The following HDGFL3 variants were observed in gnomAD, a reference collection of about 807,000 sequenced individuals.
The protein encoded by HDGFL3 is HDGF like 3.
A neutral mutation model predicts 27.6 loss-of-function variants in HDGFL3; 6 were observed. That is an observed-to-expected ratio of 0.22 (90% CI 0.12 to 0.43). The LOEUF is 0.43. HDGFL3 is among the 20% of genes least tolerant of loss of function. The pLI is 1.00. For missense variants in HDGFL3, 207 were observed against 250.1 expected (o/e 0.83, Z 1.16); for synonymous variants, 88 against 88.9 (o/e 0.99, Z 0.05).
chr15:83,116,165 T>C (rs1488665941), intron 3 of HDGFL3, among the ~76,000 whole-genome samples: 4 of 152,242 alleles, frequency 2.6e-5, no homozygotes, highest in Non-Finnish European at 5.9e-5. Flanking sequence ...TCACGGCTTC[T>C]CTCACTCATG....
intron 1 of HDGFL3, among the ~76,000 whole-genome samples, chr15:83,176,501 C>G (rs1023030581): frequency 1.2e-4 from 18 of 152,152 alleles, no homozygotes; most frequent in African/African-American, 4.1e-4. Flanking sequence ...TTACAGCCTG[C>G]AAATCTGCAG....
At chr15:83,156,522 C>T (rs548463583) in intron 4 of HDGFL3, among the ~76,000 whole-genome samples, 1 of 152,282 alleles carries the variant, frequency 6.6e-6, no homozygotes, top group East Asian at 1.9e-4. Flanking sequence ...AAAGCACATT[C>T]TTTGAAGCAG....
At chr15:83,173,466 GT>G (rs2037271053) in intron 1 of HDGFL3, among the ~76,000 whole-genome samples, 1 of 152,146 alleles carries the variant, frequency 6.6e-6, no homozygotes, top group Non-Finnish European at 1.5e-5. Flanking sequence ...CTTAAGATGG[GT>G]TTATCCGGAC....
intron 2 of HDGFL3, among the ~76,000 whole-genome samples, chr15:83,159,674 A>G (rs2037073826): frequency 6.6e-6 from 1 of 152,242 alleles, no homozygotes; most frequent in Admixed American, 6.5e-5. Context: ...AAGTGAAGGA[A>G]TAACTCATGC....
intron 1 of HDGFL3, among the ~76,000 whole-genome samples, chr15:83,171,643 A>G (rs532286981): frequency 1.3e-5 from 2 of 152,292 alleles, no homozygotes; most frequent in East Asian, 3.9e-4. Flanking sequence ...GCAGGAACGA[A>G]AAACAAAATA....
intron 1 of HDGFL3, among the ~76,000 whole-genome samples, chr15:83,200,005 AC>A (rs1423798179): frequency 7.0e-6 from 1 of 143,048 alleles, no homozygotes; most frequent in African/African-American, 2.6e-5. Context: ...AGATCGCCCC[AC>A]TGCACTCCAG....
intron 1 of HDGFL3, among the ~76,000 whole-genome samples, chr15:83,175,198 T>A (rs1227240874): frequency 6.6e-6 from 1 of 152,204 alleles, no homozygotes; most frequent in Non-Finnish European, 1.5e-5. Context: ...TATGGCTTGC[T>A]TAGCCCCTTT....
rs1013711584 is a variant in HDGFL3, at chr15:83,207,175, G to A, written c.84+156C>T. ...GCCGGGAGCCCTTGCCTCAGCCCCG[G>A]CCCGGTCTTCTTCGTGCCGCGCCGC... On this transcript the variant is annotated intron_variant, in intron 1 of 5. Transcript: ENST00000299633. The surrounding 1 kb of genome is among the most constrained non-coding windows in gnomAD (Gnocchi z 4.8). Among the ~76,000 whole-genome samples, 7 of 152,182 alleles carry A rather than the reference G, an allele frequency of 4.6e-5. No homozygotes were observed. Among genetic ancestry groups the A allele is most frequent in the Non-Finnish European group, 1.0e-4 (7 of 68,008 alleles).
At chr15:83,170,876 C>CAAAAAAAA (rs34510031) in intron 1 of HDGFL3, among the ~76,000 whole-genome samples, 1 of 77,724 alleles carries the variant, frequency 1.3e-5, no homozygotes, top group East Asian at 3.7e-4. Context: ...ATTCAACAAG[C>CAAAAAAAA]AAAAAAAAAA....
Position 83,207,302 on chromosome 15 carries a change from G to A in HDGFL3, c.84+29C>T. On this transcript the variant is annotated intron_variant, in intron 1 of 5. Transcript: ENST00000299633. The surrounding 1 kb of genome is among the most constrained non-coding windows in gnomAD (Gnocchi z 4.8). ...TCATGAAGGGGAAAATGGTGGGCGG[G>A]CGGGCCCGCGCGCGGCCGCGGTACT... 1 of 1,321,728 alleles carries A rather than the reference G, an allele frequency of 7.6e-7. No homozygotes were observed. Among genetic ancestry groups the A allele is most frequent in the South Asian group, 2.1e-5 (1 of 48,242 alleles). The allele number at this position is 1,321,728 out of a possible 1,614,324, so 81.9% of individuals were successfully genotyped here. A position where few individuals can be genotyped will look rare whatever the true frequency, so the allele number is the denominator to read the frequency against.
At chr15:83,164,337 G>C (rs1032817279) in intron 1 of HDGFL3, among the ~76,000 whole-genome samples, 7 of 110,800 alleles carry the variant, frequency 6.3e-5, no homozygotes, top group Non-Finnish European at 1.0e-4. Flanking sequence ...TTATTCCGGG[G>C]AATCTGTCCT....
chr15:83,177,455 C>A (rs2037326817), intron 1 of HDGFL3, among the ~76,000 whole-genome samples: 1 of 152,100 alleles, frequency 6.6e-6, no homozygotes, highest in Non-Finnish European at 1.5e-5. Flanking sequence ...GTATTACTTC[C>A]ATTTAATGAT....
chr15:83,122,414 GAT>G (rs1179734042), intron 3 of HDGFL3, among the ~76,000 whole-genome samples: 1 of 152,044 alleles, frequency 6.6e-6, no homozygotes, highest in African/African-American at 2.4e-5. Flanking sequence ...TAGATAGATA[GAT>G]ATAGATATAG....
intron 1 of HDGFL3, among the ~76,000 whole-genome samples, chr15:83,190,104 GCA>G (rs1227555259): frequency 6.6e-6 from 1 of 151,350 alleles, no homozygotes; most frequent in Non-Finnish European, 1.5e-5. Context: ...AGCTACTTAG[GCA>G]CAGAGTCTGC....
Position 83,132,273 on chromosome 15 carries a change from G to A in HDGFL3, c.*6997C>T, listed in dbSNP as rs539296532. The A allele has an allele frequency of 3.3e-5, 5 of 152,314 alleles. No individual in the cohort carries two copies. The highest frequency in any genetic ancestry group is 6.5e-5 in the Admixed American group (1 of 15,308). 9.4% of individuals were successfully genotyped at this position (152,314 alleles called of 1,614,324 possible). On this transcript the variant is annotated 3_prime_UTR_variant, in exon 6 of 6. Transcript: ENST00000299633. ...TTGGAGATATGCCTTATGTTGTTCC[G>A]AAGATTAACCTGAAGACAAACTAAT...
intron 5 of HDGFL3, among the ~76,000 whole-genome samples, chr15:83,150,835 G>A (rs1018473085): frequency 6.6e-6 from 1 of 152,204 alleles, no homozygotes; most frequent in Non-Finnish European, 1.5e-5. Flanking sequence ...TTCTGGGAAA[G>A]AAGCAGCAGT....
intron 1 of HDGFL3, among the ~76,000 whole-genome samples, chr15:83,174,542 T>C (rs2037286449): frequency 6.6e-6 from 1 of 151,574 alleles, no homozygotes; most frequent in South Asian, 2.1e-4. Context: ...ATATGAATTG[T>C]AGTAAAAAAC....
At position 83,134,016 on chromosome 15, in the gene HDGFL3, T is replaced by C. The variant is rs2036444293; in HGVS notation, c.*5254A>G. On this transcript the variant is annotated 3_prime_UTR_variant, in exon 6 of 6. Transcript: ENST00000299633. ...TTGATTATGAATGTTAAAATTTTTGTGCCTTGTTTAATAATTCTGAATAAA... is the reference window on the plus strand; with the variant it reads ...TTGATTATGAATGTTAAAATTTTTGCGCCTTGTTTAATAATTCTGAATAAA... 1 of 152,202 alleles carries C rather than the reference T, an allele frequency of 6.6e-6. No individual in the cohort carries two copies. The highest frequency in any genetic ancestry group is 2.4e-5 in the African/African-American group (1 of 41,444). The allele number at this position is 152,202 out of a possible 1,614,324, so 9.4% of individuals were successfully genotyped here.
intron 1 of HDGFL3, among the ~76,000 whole-genome samples, chr15:83,183,017 G>A (rs1015661442): frequency 2.6e-5 from 4 of 152,146 alleles, no homozygotes; most frequent in Admixed American, 6.5e-5. Flanking sequence ...AAAATAATAC[G>A]TTGATATAAA....
Sources: allele counts gnomAD v4.1 joint callset (sites outside exome capture counted in the v4.1 genomes callset), GRCh38; gene constraint gnomAD v4.1.1; non-coding constraint Gnocchi (gnomAD v3.1); transcripts MANE v1.5; gene names NCBI Gene and HGNC (gene_info 2026-07-23, HGNC 2026-07-21).